EYS: variants seen among roughly 807,000 people sequenced by gnomAD.
The protein encoded by EYS is EGF-like photoreceptor maintenance factor, also known as protein eyes shut homolog.
A neutral mutation model predicts 282.1 loss-of-function variants in EYS; 250 were observed. That is an observed-to-expected ratio of 0.89 (90% confidence interval 0.80 to 0.98). EYS has a LOEUF of 0.98. Ranked by LOEUF, EYS falls within the 50% of genes least tolerant of loss-of-function variation. The pLI, the probability that EYS is intolerant of heterozygous loss-of-function variation, is 0.00. For missense variants in EYS, 4,016 were observed against 3,709.0 expected, an observed-to-expected ratio of 1.08 and a Z score of -2.15; for synonymous variants, 1,355 against 1,282.9, an observed-to-expected ratio of 1.06 and a Z score of -1.20.
At chr6:64,552,741 C>CCT (rs907485785) in intron 26 of EYS, among the ~76,000 whole-genome samples, 4 of 149,900 alleles carry the variant, frequency 2.7e-5, no homozygotes, top group African/African-American at 9.8e-5. Flanking sequence ...GGTGAACCCC[C>CCT]CCCACCATCT....
At chr6:64,133,167 T>C (rs1425858635) in intron 31 of EYS, among the ~76,000 whole-genome samples, 1 of 151,832 alleles carries the variant, frequency 6.6e-6, no homozygotes, top group Non-Finnish European at 1.5e-5. Context: ...AATCTAATTT[T>C]GATTTTTTTC....
intron 2 of EYS, among the ~76,000 whole-genome samples, chr6:65,517,594 G>A (rs989252583): frequency 6.6e-6 from 1 of 151,828 alleles, no homozygotes; most frequent in Non-Finnish European, 1.5e-5. Flanking sequence ...AGTCATTTTG[G>A]GCTTTTTATC....
At position 63,757,545 on chromosome 6, in the gene EYS, C is replaced by T. The variant is rs1769520648; in HGVS notation, c.8071+4916G>A. 3.9e-5 allele frequency among the ~76,000 whole-genome samples: 6 copies of T among 152,218 alleles called. No homozygotes were observed. In the South Asian group the frequency reaches 1.2e-3, roughly 32 times the overall value. On this transcript the variant is annotated intron_variant, in intron 41 of 42. Transcript: ENST00000503581. Reference sequence around the variant, plus strand: ...AGAAGCATGTGATCTTTGTGACCTACTCCCTGTTCATACACCCCCTCTGCT... The same window carrying T: ...AGAAGCATGTGATCTTTGTGACCTATTCCCTGTTCATACACCCCCTCTGCT...
At chr6:63,737,224 T>G (rs537330599) in intron 41 of EYS, among the ~76,000 whole-genome samples, 26 of 152,262 alleles carry the variant, frequency 1.7e-4, no homozygotes, top group Non-Finnish European at 3.5e-4. Flanking sequence ...GGCTGTGGGT[T>G]TGTCATAGAT....
chr6:64,910,524 T>G (rs1767958531), intron 16 of EYS, among the ~76,000 whole-genome samples: 1 of 152,120 alleles, frequency 6.6e-6, no homozygotes, highest in Admixed American at 6.5e-5. Flanking sequence ...CAAGTATCTC[T>G]TTGTACTGAA....
intron 12 of EYS, among the ~76,000 whole-genome samples, chr6:65,085,280 T>A (rs926449156): frequency 1.3e-5 from 2 of 152,150 alleles, no homozygotes; most frequent in African/African-American, 4.8e-5. Flanking sequence ...CAGAGAGTAA[T>A]CATATCTCAC....
intron 14 of EYS, among the ~76,000 whole-genome samples, chr6:64,958,529 C>T (rs897334834): frequency 1.1e-4 from 17 of 151,786 alleles, no homozygotes; most frequent in Admixed American, 2.0e-4. Context: ...GGGTGGATCA[C>T]GAGGTCAGGA....
chr6:64,402,862 A>G (rs1773581307), intron 28 of EYS, among the ~76,000 whole-genome samples: 1 of 152,128 alleles, frequency 6.6e-6, no homozygotes, highest in Non-Finnish European at 1.5e-5. Flanking sequence ...AAATATTTCC[A>G]TATCGTGTTA....
intron 28 of EYS, among the ~76,000 whole-genome samples, chr6:64,421,583 T>C (rs1774234228): frequency 6.6e-6 from 1 of 152,138 alleles, no homozygotes; most frequent in African/African-American, 2.4e-5. Context: ...GGCTGACAAG[T>C]AACAATTTAT....
intron 30 of EYS, among the ~76,000 whole-genome samples, chr6:64,283,819 G>A: frequency 6.6e-6 from 1 of 152,088 alleles, no homozygotes; most frequent in Non-Finnish European, 1.5e-5. Context: ...AGAAAATAAG[G>A]AAGATGCACA....
chr6:63,953,317 C>T (rs775152268), intron 35 of EYS, among the ~76,000 whole-genome samples: 66 of 152,240 alleles, frequency 4.3e-4, no homozygotes, highest in Non-Finnish European at 8.8e-4. Flanking sequence ...CCATCTGCTT[C>T]TCACCTAATT....
chr6:63,778,247 A>AT, intron 39 of EYS, 67 bp from the exon 40 acceptor site: 1 of 1,448,248 alleles, frequency 6.9e-7, no homozygotes, highest in East Asian at 2.5e-5. Flanking sequence ...GAAGAAGGTT[A>AT]TTTTTCATTT....
At chr6:64,238,601 A>T (rs1304352789) in intron 30 of EYS, among the ~76,000 whole-genome samples, 2 of 152,034 alleles carry the variant, frequency 1.3e-5, no homozygotes, top group Non-Finnish European at 2.9e-5. Context: ...TGCCTTGCAT[A>T]CCCATAGCTA....
chr6:64,420,175 C>T (rs1235280067), intron 28 of EYS, among the ~76,000 whole-genome samples: 1 of 152,052 alleles, frequency 6.6e-6, no homozygotes, highest in Non-Finnish European at 1.5e-5. Context: ...TGGAAACTGC[C>T]AAGACCTGGG....
At chr6:64,650,043 A>G (rs1049263498) in intron 22 of EYS, among the ~76,000 whole-genome samples, 1 of 152,136 alleles carries the variant, frequency 6.6e-6, no homozygotes, top group African/African-American at 2.4e-5. Flanking sequence ...ATCTAACAAA[A>G]TTTCACAGCT....
In EYS at chr6:63,720,324, A is replaced by G. The variant is rs915146401; in HGVS notation, c.*272T>C. 2.5e-6 allele frequency: 1 copy of G among 403,294 alleles called. No homozygotes were observed. The highest frequency in any genetic ancestry group is 4.1e-5 in the Admixed American group (1 of 24,412). The allele number at this position is 403,294 out of a possible 1,614,324, so 25.0% of individuals were successfully genotyped here. A position where few individuals can be genotyped will look rare whatever the true frequency, so the allele number is the denominator to read the frequency against. On this transcript the variant is annotated 3_prime_UTR_variant, in exon 43 of 43. Coordinates refer to ENST00000503581, the MANE Select transcript of EYS (RefSeq NM_001142800.2). ...AAGCATTAGGGATAGGTAAAAAGTG[A>G]ATAAGCAAAGTGAATAAGCACATTC...
chr6:64,497,336 T>C (rs1172431931), intron 26 of EYS, among the ~76,000 whole-genome samples: 1 of 152,158 alleles, frequency 6.6e-6, no homozygotes, highest in Admixed American at 6.6e-5. Context: ...GCATTCAAAA[T>C]ACATAATTAT....
chr6:64,082,537 G>GA (rs1424278776), intron 31 of EYS, among the ~76,000 whole-genome samples: 1 of 151,922 alleles, frequency 6.6e-6, no homozygotes, highest in African/African-American at 2.4e-5. Flanking sequence ...ACTTAAAATT[G>GA]ATAAATTTTA....
At chr6:63,837,284 A>G (rs1343136519) in intron 36 of EYS, among the ~76,000 whole-genome samples, 2 of 152,074 alleles carry the variant, frequency 1.3e-5, no homozygotes, top group East Asian at 3.8e-4. Flanking sequence ...ACAGTTTGCA[A>G]ATTGATGGGG....
Sources: allele counts gnomAD v4.1 joint callset (sites outside exome capture counted in the v4.1 genomes callset), GRCh38; gene constraint gnomAD v4.1.1; transcripts MANE v1.5; gene names NCBI Gene and HGNC (gene_info 2026-07-23, HGNC 2026-07-21).